Variants in ARHGAP44 observed in about 807,000 individuals in gnomAD.
ARHGAP44 encodes rho GTPase-activating protein 44.
Under a neutral mutation model 106.8 loss-of-function variants are expected in ARHGAP44, and 43 were observed. That is an observed-to-expected ratio of 0.40 (90% confidence interval 0.32 to 0.52). The LOEUF (loss-of-function observed/expected upper bound fraction) is 0.52. ARHGAP44 is among the 20% of genes least tolerant of loss of function. ARHGAP44 has a pLI of 0.48. For synonymous variants in ARHGAP44, 439 were observed against 410.3 expected, an observed-to-expected ratio of 1.07 and a Z score of -0.85; for missense variants, 866 against 1,050.5, an observed-to-expected ratio of 0.82 and a Z score of 2.43.
At chr17:12,847,740 C>T (rs978976342) in intron 1 of ARHGAP44, among the ~76,000 whole-genome samples, 6 of 151,882 alleles carry the variant, frequency 4.0e-5, no homozygotes, top group African/African-American at 7.3e-5. Flanking sequence ...CTTCTGACCT[C>T]GTGATCCGCC....
At chr17:12,903,112 GA>G (rs368359546) in intron 3 of ARHGAP44, among the ~76,000 whole-genome samples, 9,016 of 97,498 alleles carry the variant, frequency 0.092, 450 homozygotes, top group East Asian at 0.18. Flanking sequence ...GAGAGAGAGA[GA>G]GAGAGAGAGA....
intron 16 of ARHGAP44, among the ~76,000 whole-genome samples, chr17:12,967,825 G>T (rs976361126): frequency 6.6e-6 from 1 of 151,982 alleles, no homozygotes; most frequent in African/African-American, 2.4e-5. Flanking sequence ...CAGCATCAAC[G>T]AGCCATTTAT....
rs1396665916 is a variant in ARHGAP44, at chr17:12,828,628, T to TTTC, written c.53+38739_53+38740insCTT. Among the ~76,000 whole-genome samples, 433 of 142,138 alleles carry TTTC rather than the reference T, an allele frequency of 3.0e-3. 5 individuals are homozygous for TTTC. Among genetic ancestry groups the TTTC allele is most frequent in the African/African-American group, 0.012 (413 of 35,002 alleles). The allele number at this position is 142,138 out of a possible 152,430, so 93.2% of individuals were successfully genotyped here. A position where few individuals can be genotyped will look rare whatever the true frequency, so the allele number is the denominator to read the frequency against. ...AGCTAATATTTTCTTTTGGATTTTTTTTTCTTTCTTTTTTTTTTTTTTTTT... is the reference window on the plus strand; with the variant it reads ...AGCTAATATTTTCTTTTGGATTTTTTTTCTTTCTTTCTTTTTTTTTTTTTTTTT... On this transcript the variant is annotated intron_variant, in intron 1 of 20. Coordinates refer to ENST00000379672, the MANE Select transcript of ARHGAP44 (RefSeq NM_014859.6).
At chr17:12,883,665 T>C (rs2036802268) in intron 1 of ARHGAP44, among the ~76,000 whole-genome samples, 1 of 152,156 alleles carries the variant, frequency 6.6e-6, no homozygotes, top group Non-Finnish European at 1.5e-5. Flanking sequence ...TTAAACTTGT[T>C]ATTTATTTGA....
chr17:12,978,218 A>G (rs2039744747), intron 18 of ARHGAP44, among the ~76,000 whole-genome samples: 1 of 152,120 alleles, frequency 6.6e-6, no homozygotes, highest in African/African-American at 2.4e-5. Context: ...CTTCCTCTTG[A>G]TAGTGGCAGA....
At chr17:12,906,096 C>G (rs2037537148) in intron 3 of ARHGAP44, among the ~76,000 whole-genome samples, 1 of 152,152 alleles carries the variant, frequency 6.6e-6, no homozygotes, top group African/African-American at 2.4e-5. Flanking sequence ...CCAGATGTTG[C>G]CAAATGACCC....
At chr17:12,912,445 T>C (rs1456694374) in intron 4 of ARHGAP44, among the ~76,000 whole-genome samples, 1 of 151,922 alleles carries the variant, frequency 6.6e-6, no homozygotes, top group Non-Finnish European at 1.5e-5. Context: ...ATTGGAAAAT[T>C]AGAGGATCAA....
Position 12,958,581 on chromosome 17 carries a change from T to G in ARHGAP44, c.1343-136T>G. 1.3e-6 allele frequency: 1 copy of G among 795,244 alleles called. No individual in the cohort carries two copies. The highest frequency in any genetic ancestry group is 2.7e-5 in the East Asian group (1 of 36,964). The allele number at this position is 795,244 out of a possible 1,614,324, so 49.3% of individuals were successfully genotyped here. On this transcript the variant is annotated intron_variant, in intron 15 of 20. Transcript: ENST00000379672. This position sits in a 1 kb window ranked among gnomAD's most constrained non-coding sequence, Gnocchi z 4.1. ...GGCCTGTTAATGTGATGCATTATAT[T>G]AATAAGGTGAACCATGGGATGAAAT...
chr17:12,835,632 T>TA (rs552144897), intron 1 of ARHGAP44, among the ~76,000 whole-genome samples: 1 of 152,078 alleles, frequency 6.6e-6, no homozygotes. Flanking sequence ...TTTATTTAAT[T>TA]AAAAAAAATT....
rs559555995 is a variant in ARHGAP44, at chr17:12,877,739, G to A, written c.54-17201G>A. ...CACCCCAGCCTGGGTGACAGAGCGA[G>A]ACTCCGTCTAAAAAAAAAAAAACAC... On this transcript the variant is annotated intron_variant, in intron 1 of 20. Coordinates refer to ENST00000379672, the MANE Select transcript of ARHGAP44 (RefSeq NM_014859.6). 4.6e-5 allele frequency among the ~76,000 whole-genome samples: 7 copies of A among 151,210 alleles called. No individual in the cohort carries two copies. In the South Asian group the frequency reaches 1.5e-3, roughly 31 times the overall value.
intron 7 of ARHGAP44, among the ~76,000 whole-genome samples, chr17:12,929,696 C>T (rs891274021): frequency 1.5e-4 from 23 of 152,194 alleles, no homozygotes; most frequent in Admixed American, 1.5e-3. Context: ...TCACGATGCT[C>T]TGTGTATATG....
chr17:12,986,040 G>A (rs2039948222), intron 20 of ARHGAP44: 1 of 152,198 alleles, frequency 6.6e-6, no homozygotes, highest in Non-Finnish European at 1.5e-5. Context: ...ACCCTGTGGG[G>A]TTCAGCTCCG....
intron 13 of ARHGAP44, among the ~76,000 whole-genome samples, chr17:12,953,626 G>A (rs1387967339): frequency 1.3e-5 from 2 of 152,186 alleles, no homozygotes; most frequent in African/African-American, 4.8e-5. Flanking sequence ...CCAAATGTCC[G>A]TCTACAGATA....
chr17:12,972,719 C>G (rs576443122), intron 16 of ARHGAP44, among the ~76,000 whole-genome samples: 1 of 150,996 alleles, frequency 6.6e-6, no homozygotes, highest in African/African-American at 2.4e-5. Context: ...TGGAGTGCAC[C>G]GTCGCAGTCT....
At chr17:12,930,566 G>A (rs1012243560) in intron 7 of ARHGAP44, among the ~76,000 whole-genome samples, 10 of 151,948 alleles carry the variant, frequency 6.6e-5, no homozygotes. Flanking sequence ...TATCTACCAT[G>A]GATCTATGTT....
At chr17:12,939,652 G>T (rs1352285858) in intron 7 of ARHGAP44, among the ~76,000 whole-genome samples, 2 of 152,086 alleles carry the variant, frequency 1.3e-5, no homozygotes, top group Non-Finnish European at 2.9e-5. Context: ...TTTTTTAGTA[G>T]AGACGGGGTT....
chr17:12,895,021 TA>T (rs1376138876), intron 2 of ARHGAP44, 42 bp downstream of exon 2: 2 of 1,555,092 alleles, frequency 1.3e-6, no homozygotes, highest in African/African-American at 2.7e-5. Flanking sequence ...ACCAGAGATA[TA>T]TGGGAGGCTG....
intron 1 of ARHGAP44, among the ~76,000 whole-genome samples, chr17:12,838,214 A>G (rs1215833369): frequency 6.6e-6 from 1 of 152,226 alleles, no homozygotes; most frequent in East Asian, 1.9e-4. Context: ...GAATTTCCCA[A>G]GACCTGAAAC....
chr17:12,938,594 A>AAC (rs1567697689), intron 7 of ARHGAP44, among the ~76,000 whole-genome samples: 1 of 151,540 alleles, frequency 6.6e-6, no homozygotes, highest in Non-Finnish European at 1.5e-5. Flanking sequence ...AAAAAAAAAA[A>AAC]AAAAAAAAAC....
Sources: gnomAD v4.1 joint callset for allele counts (sites outside exome capture counted in the v4.1 genomes callset) on GRCh38, gnomAD v4.1.1 for gene constraint, Gnocchi (gnomAD v3.1) non-coding constraint, MANE v1.5 for transcripts, NCBI Gene and HGNC (gene_info 2026-07-23, HGNC 2026-07-21) for gene names.